CALN1: variants seen among roughly 807,000 people sequenced by gnomAD.
The protein encoded by CALN1 is calcium-binding protein 8.
In CALN1, 17 loss-of-function variants were observed where a neutral mutation model predicts 30.6. That is an observed-to-expected ratio of 0.56 (90% CI 0.38 to 0.83). The LOEUF is 0.83. Ranked by LOEUF, CALN1 falls within the 40% of genes least tolerant of loss-of-function variation. CALN1 has a pLI of 0.00. For missense variants in CALN1, 291 were observed against 354.9 expected, an observed-to-expected ratio of 0.82 and a Z score of 1.45; for synonymous variants, 156 against 131.4, an observed-to-expected ratio of 1.19 and a Z score of -1.28.
At chr7:72,304,615 C>G (rs986330421) in intron 2 of CALN1, among the ~76,000 whole-genome samples, 7 of 152,136 alleles carry the variant, frequency 4.6e-5, no homozygotes, top group African/African-American at 1.7e-4. Flanking sequence ...GCCAGCGTCT[C>G]TTTTACGTCT....
At chr7:72,249,736 A>T (rs1302724348) in intron 3 of CALN1, among the ~76,000 whole-genome samples, 1 of 152,190 alleles carries the variant, frequency 6.6e-6, no homozygotes. Context: ...CAGGAGTTCG[A>T]GACCAGCCTT....
chr7:72,236,629 C>T (rs962301383), intron 3 of CALN1, among the ~76,000 whole-genome samples: 3 of 152,168 alleles, frequency 2.0e-5, no homozygotes, highest in African/African-American at 4.8e-5. Context: ...CCAGGCTCAT[C>T]GCAAAAATCA....
intron 3 of CALN1, among the ~76,000 whole-genome samples, chr7:72,218,737 G>A (rs942876130): frequency 2.0e-5 from 3 of 152,202 alleles, no homozygotes; most frequent in Non-Finnish European, 4.4e-5. Flanking sequence ...TAGGGACTAG[G>A]TGGTCATTAA....
chr7:72,362,760 T>C (rs748925096), intron 2 of CALN1, among the ~76,000 whole-genome samples: 8 of 152,138 alleles, frequency 5.3e-5, no homozygotes, highest in Admixed American at 1.3e-4. Flanking sequence ...CTTTCTTCCT[T>C]TCTTCAAGGA....
At chr7:72,321,112 C>T (rs1482887231) in intron 2 of CALN1, among the ~76,000 whole-genome samples, 2 of 152,172 alleles carry the variant, frequency 1.3e-5, no homozygotes, top group African/African-American at 2.4e-5. Context: ...TCAGCTGCCC[C>T]CTAAGACTTC....
intron 5 of CALN1, among the ~76,000 whole-genome samples, chr7:71,861,805 G>A (rs975792479): frequency 2.0e-5 from 3 of 147,642 alleles, no homozygotes; most frequent in African/African-American, 7.5e-5. Context: ...AAAAAAGAGA[G>A]AGAGAGTAAT....
chr7:71,947,845 AAGG>A (rs1350799588), intron 5 of CALN1, among the ~76,000 whole-genome samples: 1 of 151,310 alleles, frequency 6.6e-6, no homozygotes, highest in Non-Finnish European at 1.5e-5. Flanking sequence ...GAGGCTGAGG[AAGG>A]AGAATTACTT....
chr7:72,372,021 T>C (rs1804274566), intron 2 of CALN1, among the ~76,000 whole-genome samples: 2 of 152,174 alleles, frequency 1.3e-5, no homozygotes, highest in Admixed American at 1.3e-4. Context: ...TTTCTGAGAT[T>C]GAATTCAATA....
chr7:72,086,743 T>A (rs1192780196), intron 4 of CALN1, among the ~76,000 whole-genome samples: 2 of 152,166 alleles, frequency 1.3e-5, no homozygotes, highest in Non-Finnish European at 2.9e-5. Flanking sequence ...CTGGCCCAAT[T>A]ATTTTTATGG....
chr7:71,898,564 G>A lies in CALN1; in HGVS notation c.502-88072C>T, dbSNP rs564612480. On this transcript the variant is annotated intron_variant, in intron 5 of 6. Transcript: ENST00000395275. Reference sequence around the variant, plus strand: ...CACAAGGAGAGGAGATAGAGAATGAGGCAGAAGCAATATGTGGGGGCTTAA... The same window carrying A: ...CACAAGGAGAGGAGATAGAGAATGAAGCAGAAGCAATATGTGGGGGCTTAA... 3.0e-4 allele frequency among the ~76,000 whole-genome samples: 46 copies of A among 152,216 alleles called. 1 individual carries two copies. Among genetic ancestry groups the A allele is most frequent in the Non-Finnish European group, 8.8e-5 (6 of 68,020 alleles).
At chr7:71,877,207 G>T (rs1792299436) in intron 5 of CALN1, among the ~76,000 whole-genome samples, 1 of 152,058 alleles carries the variant, frequency 6.6e-6, no homozygotes. Context: ...GGGCTAGAAG[G>T]AAACCACTTA....
intron 4 of CALN1, among the ~76,000 whole-genome samples, chr7:72,037,948 G>A (rs1801902764): frequency 6.6e-6 from 1 of 152,210 alleles, no homozygotes; most frequent in African/African-American, 2.4e-5. Context: ...AATAAAAGTG[G>A]AGAAGTTGGG....
At chr7:71,822,178 A>G (rs1788632755) in intron 5 of CALN1, among the ~76,000 whole-genome samples, 1 of 152,172 alleles carries the variant, frequency 6.6e-6, no homozygotes, top group African/African-American at 2.4e-5. Context: ...TTGCTTTCCA[A>G]TGGTAGAGTC....
intron 2 of CALN1, among the ~76,000 whole-genome samples, chr7:72,333,604 G>A (rs1299515646): frequency 6.6e-6 from 1 of 150,964 alleles, no homozygotes; most frequent in Non-Finnish European, 1.5e-5. Context: ...GTTCTCAATC[G>A]TGAAAGGACA....
chr7:71,996,723 CAT>C (rs1252092583), intron 5 of CALN1, among the ~76,000 whole-genome samples: 1 of 152,140 alleles, frequency 6.6e-6, no homozygotes, highest in East Asian at 1.9e-4. Flanking sequence ...CACCATGGCA[CAT>C]GTTTACCTAT....
chr7:72,018,283 T>A (rs1429082568), intron 5 of CALN1, among the ~76,000 whole-genome samples: 1 of 152,124 alleles, frequency 6.6e-6, no homozygotes, highest in Non-Finnish European at 1.5e-5. Flanking sequence ...GCTTGACTTC[T>A]TGGCAGGTGC....
At chr7:72,022,634 T>A (rs1297072687) in intron 5 of CALN1, among the ~76,000 whole-genome samples, 1 of 152,174 alleles carries the variant, frequency 6.6e-6, no homozygotes, top group Non-Finnish European at 1.5e-5. Flanking sequence ...CCTCAAGCGA[T>A]CCTCCTGTCT....
At chr7:72,369,326 A>T (rs1804076476) in intron 2 of CALN1, among the ~76,000 whole-genome samples, 1 of 146,808 alleles carries the variant, frequency 6.8e-6, no homozygotes, top group African/African-American at 2.5e-5. Context: ...TTTATAATAT[A>T]TATAATTTAT....
intron 3 of CALN1, among the ~76,000 whole-genome samples, chr7:72,121,381 TTA>T (rs1284831843): frequency 6.9e-6 from 1 of 145,848 alleles, no homozygotes; most frequent in Non-Finnish European, 1.5e-5. Flanking sequence ...AAATTACGTA[TTA>T]TATAATATAG....
Sources: gnomAD v4.1 joint callset for allele counts (sites outside exome capture counted in the v4.1 genomes callset) on GRCh38, gnomAD v4.1.1 for gene constraint, MANE v1.5 for transcripts, NCBI Gene and HGNC (gene_info 2026-07-23, HGNC 2026-07-21) for gene names.